The following KATNAL2 variants were observed in gnomAD, a reference collection of about 807,000 sequenced individuals.
The protein encoded by KATNAL2 is katanin catalytic subunit A1 like 2.
KATNAL2 carries 52 observed loss-of-function variants against 76.3 expected under a neutral mutation model. The ratio of observed to expected loss-of-function variants is 0.68; its 90% confidence interval spans 0.55 to 0.86. The LOEUF (loss-of-function observed/expected upper bound fraction) is 0.86. Ranked by LOEUF, KATNAL2 falls within the 40% of genes least tolerant of loss-of-function variation. The pLI, the probability that KATNAL2 is intolerant of heterozygous loss-of-function variation, is 0.00. For missense variants in KATNAL2, 660 were observed against 668.9 expected (o/e 0.99, Z 0.15); for synonymous variants, 243 against 244.2 (o/e 1.00, Z 0.05).
At chr18:47,032,827 C>CT in intron 3 of KATNAL2, 1 of 1,230,116 alleles carries the variant, frequency 8.1e-7, no homozygotes, top group Non-Finnish European at 1.1e-6. Context: ...GAGGTAGTGG[C>CT]TGGGTGTGGG....
chr18:46,944,437 G>C (rs1344091159), intron 1 of KATNAL2, among the ~76,000 whole-genome samples: 4 of 152,258 alleles, frequency 2.6e-5, no homozygotes, highest in South Asian at 2.1e-4. Flanking sequence ...ATGTTTTCAA[G>C]TATACGGGAT....
intron 1 of KATNAL2, among the ~76,000 whole-genome samples, chr18:46,928,240 T>C (rs555106387): frequency 6.6e-6 from 1 of 152,280 alleles, no homozygotes; most frequent in Non-Finnish European, 1.5e-5. Context: ...TCTTTGATGA[T>C]GGTGACGTAC....
chr18:46,939,080 G>A (rs1356498132), intron 1 of KATNAL2, among the ~76,000 whole-genome samples: 1 of 152,126 alleles, frequency 6.6e-6, no homozygotes, highest in Non-Finnish European at 1.5e-5. Flanking sequence ...GGTGGTTCAT[G>A]CCTATAATCC....
chr18:46,962,160 C>T lies in KATNAL2; in HGVS notation c.51+15237C>T, dbSNP rs1387270241. Among the ~76,000 whole-genome samples, 8 of 136,568 alleles carry T rather than the reference C, an allele frequency of 5.9e-5. 2 individuals carry two copies. Among genetic ancestry groups the T allele is most frequent in the African/African-American group, 2.6e-4 (8 of 30,838 alleles). The allele number at this position is 136,568 out of a possible 152,430, so 89.6% of individuals were successfully genotyped here. ...GACCACAGGGGCCGTGCCACCACGCCGGGCTCATTTTGGTATCTTTTGTGG... is the reference window on the plus strand; with the variant it reads ...GACCACAGGGGCCGTGCCACCACGCTGGGCTCATTTTGGTATCTTTTGTGG... On this transcript the variant is annotated intron_variant, in intron 3 of 17. Coordinates refer to ENST00000683218, the MANE Select transcript of KATNAL2 (RefSeq NM_001387690.1).
Position 46,946,811 on chromosome 18 carries a change from G to T in KATNAL2, c.-19-43G>T, listed in dbSNP as rs1478771201. 6.7e-6 allele frequency: 10 copies of T among 1,499,960 alleles called. No homozygotes were observed. The South Asian group carries it at 9.6e-5, about 14-fold the overall frequency. The allele number at this position is 1,499,960 out of a possible 1,614,324, so 92.9% of individuals were successfully genotyped here. ...GGTTAAGCGTCAGGTTCCTTGGATCGACCGGTCAGCCCAGTAACTGACTAC... is the reference window on the plus strand; with the variant it reads ...GGTTAAGCGTCAGGTTCCTTGGATCTACCGGTCAGCCCAGTAACTGACTAC... On this transcript the variant is annotated intron_variant, in intron 2 of 17. Coordinates refer to ENST00000683218, the MANE Select transcript of KATNAL2 (RefSeq NM_001387690.1).
intron 8 of KATNAL2, among the ~76,000 whole-genome samples, chr18:47,062,286 A>C (rs571748111): frequency 1.3e-5 from 2 of 152,144 alleles, no homozygotes; most frequent in Non-Finnish European, 2.9e-5. Flanking sequence ...TGGGAGGCTG[A>C]AGTGGGAGGA....
intron 4 of KATNAL2, among the ~76,000 whole-genome samples, chr18:47,049,251 G>C (rs1317505789): frequency 6.6e-6 from 1 of 152,206 alleles, no homozygotes; most frequent in Non-Finnish European, 1.5e-5. Flanking sequence ...CTAAGTATCA[G>C]GTAGATGCCA....
chr18:47,095,030 T>C (rs2063168958), intron 15 of KATNAL2, among the ~76,000 whole-genome samples: 1 of 152,204 alleles, frequency 6.6e-6, no homozygotes, highest in Non-Finnish European at 1.5e-5. Flanking sequence ...CTCAGATTAT[T>C]TCTTGACTTT....
At chr18:46,957,888 G>C (rs2059813021) in intron 3 of KATNAL2, among the ~76,000 whole-genome samples, 1 of 151,806 alleles carries the variant, frequency 6.6e-6, no homozygotes. Context: ...AGTAGAGACG[G>C]GGTTTCACCA....
At chr18:47,069,449 A>G in intron 12 of KATNAL2, 33 bp from the exon 13 acceptor site, 3 of 1,529,602 alleles carry the variant, frequency 2.0e-6, no homozygotes, top group East Asian at 4.5e-5. Context: ...TGGAGTTGAA[A>G]TGCCTGCTCA....
At chr18:47,031,449 G>A (rs1422193025) in intron 3 of KATNAL2, among the ~76,000 whole-genome samples, 1 of 151,970 alleles carries the variant, frequency 6.6e-6, no homozygotes, top group Non-Finnish European at 1.5e-5. Flanking sequence ...TGGTGGGGGC[G>A]GGGTGTGTTT....
In KATNAL2 at chr18:47,046,946, T is replaced by G. The variant is rs530432721; in HGVS notation, c.122+419T>G. Among the ~76,000 whole-genome samples, 14 of 152,292 alleles carry G rather than the reference T, an allele frequency of 9.2e-5. No individual in the cohort carries two copies. The South Asian group carries it at 2.7e-3, about 29-fold the overall frequency. ...GCCCCAACAACCCAGACATACACTT[T>G]TTTTTTCTTTTGAGACAGTGTCTCA... On this transcript the variant is annotated intron_variant, in intron 4 of 17. Transcript: ENST00000683218.
intron 6 of KATNAL2, among the ~76,000 whole-genome samples, chr18:47,057,049 G>A (rs902052555): frequency 5.3e-5 from 8 of 152,116 alleles, no homozygotes; most frequent in African/African-American, 1.7e-4. Flanking sequence ...TCTCCCCAGT[G>A]AGACCAACAC....
chr18:47,084,357 G>A, intron 15 of KATNAL2: 1 of 702,862 alleles, frequency 1.4e-6, no homozygotes, highest in South Asian at 1.5e-5. Context: ...TTGGGCTCCA[G>A]GAAGAAGCTG....
intron 16 of KATNAL2, among the ~76,000 whole-genome samples, chr18:47,099,649 T>A (rs982598252): frequency 5.3e-5 from 8 of 152,150 alleles, no homozygotes; most frequent in Admixed American, 2.6e-4. Context: ...GAACCTATGG[T>A]CAAATCCTGG....
At chr18:47,035,600 C>G (rs2060737049) in intron 3 of KATNAL2, 2 of 516,720 alleles carry the variant, frequency 3.9e-6, no homozygotes, top group African/African-American at 1.9e-5. Context: ...CTGACACTCA[C>G]GGCTCTAGCC....
chr18:46,939,177 T>A (rs1267570969), intron 1 of KATNAL2, among the ~76,000 whole-genome samples: 2 of 152,010 alleles, frequency 1.3e-5, no homozygotes, highest in East Asian at 3.9e-4. Flanking sequence ...CCGTCTCTAC[T>A]AAAAAGACAA....
At chr18:47,085,048 G>A (rs1010504020) in intron 15 of KATNAL2, among the ~76,000 whole-genome samples, 3 of 151,834 alleles carry the variant, frequency 2.0e-5, no homozygotes, top group African/African-American at 7.3e-5. Context: ...TGCAGCCCCG[G>A]CCCCAGCTCC....
chr18:47,046,769 AGTCC>A, intron 4 of KATNAL2, among the ~76,000 whole-genome samples: 1 of 152,132 alleles, frequency 6.6e-6, no homozygotes. Context: ...TATTAACTGA[AGTCC>A]ATAGTTTACA....
Sources: gnomAD v4.1 joint callset for allele counts (sites outside exome capture counted in the v4.1 genomes callset) on GRCh38, gnomAD v4.1.1 for gene constraint, MANE v1.5 for transcripts, NCBI Gene and HGNC (gene_info 2026-07-23, HGNC 2026-07-21) for gene names.